Variants in RPA3 observed in about 807,000 individuals in gnomAD.
The protein encoded by RPA3 is replication protein A3.
RPA3 carries 24 observed loss-of-function variants against 13.7 expected under a neutral mutation model. That is an observed-to-expected ratio of 1.75 (90% confidence interval 1.27 to 2.46). RPA3 has a LOEUF of 2.46. Ranked by LOEUF, RPA3 falls within the 30% of genes most tolerant of loss-of-function variation. The pLI is 0.00. For missense variants in RPA3, 183 were observed against 151.0 expected (o/e 1.21, Z -1.11); for synonymous variants, 59 against 51.2 (o/e 1.15, Z -0.65).
intron 2 of RPA3, among the ~76,000 whole-genome samples, chr7:7,688,624 ATCT>A (rs775958211): frequency 9.9e-5 from 15 of 152,064 alleles, no homozygotes; most frequent in Non-Finnish European, 2.2e-4. Flanking sequence ...CATGTTGTAA[ATCT>A]TCTATCATTT....
chr7:7,683,848 C>T (rs962025881), intron 4 of RPA3, among the ~76,000 whole-genome samples: 4 of 152,180 alleles, frequency 2.6e-5, no homozygotes, highest in African/African-American at 9.6e-5. Flanking sequence ...GTCTCAAACT[C>T]CTGACCTCAG....
intron 2 of RPA3, among the ~76,000 whole-genome samples, chr7:7,705,682 T>G (rs1264028508): frequency 6.6e-6 from 1 of 152,184 alleles, no homozygotes; most frequent in Non-Finnish European, 1.5e-5. Flanking sequence ...ATTTTTAGGG[T>G]AGTGAAACTA....
chr7:7,670,447 G>A (rs574863952), intron 4 of RPA3, among the ~76,000 whole-genome samples: 5 of 152,336 alleles, frequency 3.3e-5, no homozygotes, highest in Admixed American at 3.3e-4. Flanking sequence ...GGAGGGAAGA[G>A]AAAACTGTCC....
intron 2 of RPA3, among the ~76,000 whole-genome samples, chr7:7,712,092 C>G (rs1161952800): frequency 1.3e-5 from 2 of 152,048 alleles, no homozygotes; most frequent in Non-Finnish European, 2.9e-5. Flanking sequence ...CTATTTTTCT[C>G]TCTCTTAGCC....
intron 2 of RPA3, among the ~76,000 whole-genome samples, chr7:7,712,537 T>C (rs1786788962): frequency 6.6e-6 from 1 of 152,214 alleles, no homozygotes; most frequent in Admixed American, 6.5e-5. Flanking sequence ...CTGATACTTG[T>C]AGCAACCATC....
At chr7:7,676,682 A>G (rs1028854127) in intron 4 of RPA3, among the ~76,000 whole-genome samples, 3 of 152,156 alleles carry the variant, frequency 2.0e-5, no homozygotes, top group East Asian at 1.9e-4. Flanking sequence ...ACTTTTTACT[A>G]TTTAATAGTT....
chr7:7,644,223 T>C (rs1212127664), intron 4 of RPA3, among the ~76,000 whole-genome samples: 1 of 152,190 alleles, frequency 6.6e-6, no homozygotes, highest in African/African-American at 2.4e-5. Flanking sequence ...TGGTTATTTA[T>C]GTTTATCTTT....
intron 4 of RPA3, among the ~76,000 whole-genome samples, chr7:7,643,124 A>G (rs971505063): frequency 6.6e-6 from 1 of 152,218 alleles, no homozygotes; most frequent in East Asian, 1.9e-4. Flanking sequence ...TTCTCTAAAA[A>G]TGATAATTCT....
intron 2 of RPA3, among the ~76,000 whole-genome samples, chr7:7,706,964 T>G (rs904346069): frequency 4.6e-5 from 7 of 152,198 alleles, no homozygotes; most frequent in African/African-American, 1.7e-4. Context: ...AATGCCAGGC[T>G]TATATTCTTG....
chr7:7,714,201 A>G (rs1385159291), intron 2 of RPA3, among the ~76,000 whole-genome samples: 10 of 152,262 alleles, frequency 6.6e-5, no homozygotes, highest in African/African-American at 9.6e-5. Context: ...AAAGAAAAGC[A>G]TATCAGTCTT....
intron 2 of RPA3, chr7:7,692,465 G>A (rs1780194522): frequency 6.6e-6 from 1 of 152,178 alleles, no homozygotes; most frequent in Admixed American, 6.5e-5. Flanking sequence ...CTGCCTCTAA[G>A]CTGGTGGAAA....
At chr7:7,677,906 C>T (rs1416354916) in intron 4 of RPA3, among the ~76,000 whole-genome samples, 1 of 151,666 alleles carries the variant, frequency 6.6e-6, no homozygotes, top group East Asian at 1.9e-4. Context: ...ATCTCCTGAC[C>T]TCGTGATCCG....
At chr7:7,695,637 A>AC (rs1411441948) in intron 2 of RPA3, among the ~76,000 whole-genome samples, 1 of 152,064 alleles carries the variant, frequency 6.6e-6, no homozygotes. Context: ...ACAGGATCTG[A>AC]CCCCTCACAC....
chr7:7,647,342 A>G (rs1451576879), intron 4 of RPA3, among the ~76,000 whole-genome samples: 2 of 152,184 alleles, frequency 1.3e-5, no homozygotes, highest in African/African-American at 4.8e-5. Flanking sequence ...TGGTTTGTCT[A>G]ATTCTTTGCA....
chr7:7,669,391 G>A (rs28916005), intron 4 of RPA3, among the ~76,000 whole-genome samples: 23,014 of 152,178 alleles, frequency 0.15, 2,151 homozygotes, highest in Middle Eastern at 0.23. Flanking sequence ...ATAGAGGGGA[G>A]ATCTAAGAAT....
chr7:7,648,706 C>G (rs984907028), intron 4 of RPA3, among the ~76,000 whole-genome samples: 2 of 151,876 alleles, frequency 1.3e-5, no homozygotes, highest in African/African-American at 4.8e-5. Context: ...CAAAAATTAG[C>G]TGGCCATGGT....
At chr7:7,671,912 G>T (rs991773524) in intron 4 of RPA3, among the ~76,000 whole-genome samples, 31 of 152,072 alleles carry the variant, frequency 2.0e-4, no homozygotes, top group African/African-American at 7.5e-4. Flanking sequence ...CATGACTTGT[G>T]TTTTTCTTCT....
chr7:7,709,140 G>T (rs1780684573), intron 2 of RPA3, among the ~76,000 whole-genome samples: 1 of 152,182 alleles, frequency 6.6e-6, no homozygotes, highest in Admixed American at 6.5e-5. Flanking sequence ...AAGGGATTTT[G>T]TAATGGTTAA....
intron 2 of RPA3, among the ~76,000 whole-genome samples, chr7:7,706,329 A>T (rs1780598523): frequency 6.6e-6 from 1 of 152,198 alleles, no homozygotes; most frequent in Non-Finnish European, 1.5e-5. Context: ...GAGGCTGCTC[A>T]TGTTATCACC....
Sources: allele counts gnomAD v4.1 joint callset (sites outside exome capture counted in the v4.1 genomes callset), GRCh38; gene constraint gnomAD v4.1.1; transcripts MANE v1.5; gene names NCBI Gene and HGNC (gene_info 2026-07-23, HGNC 2026-07-21).